The following PIBF1 variants were observed in gnomAD, a reference collection of about 807,000 sequenced individuals.
The protein encoded by PIBF1 is progesterone-induced-blocking factor 1.
In PIBF1, 90 loss-of-function variants were observed where a neutral mutation model predicts 112.5. That is an observed-to-expected ratio of 0.80 (90% CI 0.67 to 0.95). The LOEUF (loss-of-function observed/expected upper bound fraction) is 0.95. Among genes scored for constraint, PIBF1 ranks in the 40% least tolerant of loss-of-function variants. The pLI is 0.00. For missense variants in PIBF1, 915 were observed against 852.3 expected, an observed-to-expected ratio of 1.07 and a Z score of -0.92; for synonymous variants, 301 against 288.6, an observed-to-expected ratio of 1.04 and a Z score of -0.44.
chr13:72,898,796 A>G (rs562286424), intron 11 of PIBF1, among the ~76,000 whole-genome samples: 8 of 151,776 alleles, frequency 5.3e-5, no homozygotes, highest in Middle Eastern at 3.4e-3. Flanking sequence ...TGCAGTAAGC[A>G]GAGATCGTAC....
chr13:72,934,037 A>C (rs1263839163), intron 14 of PIBF1, among the ~76,000 whole-genome samples: 5 of 152,216 alleles, frequency 3.3e-5, no homozygotes, highest in Non-Finnish European at 5.9e-5. Context: ...TGGAGAAAGA[A>C]TCAGTAACCC....
intron 17 of PIBF1, among the ~76,000 whole-genome samples, chr13:73,000,343 C>G (rs2043817290): frequency 6.6e-6 from 1 of 152,172 alleles, no homozygotes; most frequent in Non-Finnish European, 1.5e-5. Flanking sequence ...CCTGTATTTT[C>G]CAAGACTAAC....
At chr13:72,811,149 C>T (rs532097301) in intron 5 of PIBF1, among the ~76,000 whole-genome samples, 2 of 152,224 alleles carry the variant, frequency 1.3e-5, no homozygotes, top group African/African-American at 2.4e-5. Flanking sequence ...CGTGAGCCAC[C>T]GCACCCAGCC....
At chr13:72,931,039 A>G (rs9564931) in intron 13 of PIBF1, 126 bp from the exon 14 acceptor site, 124,541 of 629,362 alleles carry the variant, frequency 0.2, 14,057 homozygotes, top group Admixed American at 0.35. Context: ...TTGACTCTAT[A>G]TTTTTTCTGT....
chr13:72,808,176 G>A (rs983159208), intron 5 of PIBF1, among the ~76,000 whole-genome samples: 3 of 152,148 alleles, frequency 2.0e-5, no homozygotes, highest in African/African-American at 7.2e-5. Flanking sequence ...AAGTACTTAA[G>A]TGTGGAATTT....
At chr13:72,791,975 G>A (rs2034954086) in intron 2 of PIBF1, among the ~76,000 whole-genome samples, 1 of 151,576 alleles carries the variant, frequency 6.6e-6, no homozygotes, top group Admixed American at 6.6e-5. Flanking sequence ...GTAAGATAGA[G>A]GAATATAAAT....
intron 16 of PIBF1, among the ~76,000 whole-genome samples, chr13:72,993,583 A>G (rs1437536750): frequency 6.6e-6 from 1 of 151,766 alleles, no homozygotes; most frequent in African/African-American, 2.4e-5. Context: ...TGACTCTACT[A>G]AAAATACAAA....
intron 12 of PIBF1, among the ~76,000 whole-genome samples, chr13:72,913,637 A>G (rs796531569): frequency 1.6e-4 from 24 of 152,012 alleles, no homozygotes; most frequent in African/African-American, 5.8e-4. Context: ...TGAACCAGGC[A>G]TGGTGGTGCC....
At chr13:72,946,178 C>G (rs1341305053) in intron 14 of PIBF1, among the ~76,000 whole-genome samples, 3 of 152,068 alleles carry the variant, frequency 2.0e-5, no homozygotes, top group African/African-American at 7.2e-5. Context: ...AGGAAACTTA[C>G]AGTCATGGTG....
At chr13:72,823,321 G>A (rs2036650401) in intron 6 of PIBF1, among the ~76,000 whole-genome samples, 1 of 152,074 alleles carries the variant, frequency 6.6e-6, no homozygotes, top group Non-Finnish European at 1.5e-5. Context: ...TTTGGGTGAT[G>A]GGAGCATGGG....
At chr13:72,976,601 T>G (rs925504888) in intron 16 of PIBF1, among the ~76,000 whole-genome samples, 1 of 152,192 alleles carries the variant, frequency 6.6e-6, no homozygotes, top group African/African-American at 2.4e-5. Context: ...AAGTAAAAAT[T>G]AAAGCTTAGT....
rs764295302 is a variant in PIBF1 at position 72,792,576 on chromosome 13, C to G, written c.353+29C>G. The G allele has an allele frequency of 6.3e-6, 7 of 1,102,456 alleles. No individual in the cohort carries two copies. In the Middle Eastern group the frequency reaches 6.1e-4, roughly 97 times the overall value. 68.3% of individuals were successfully genotyped at this position (1,102,456 alleles called of 1,614,324 possible). A position where few individuals can be genotyped will look rare whatever the true frequency, so the allele number is the denominator to read the frequency against. ...AGAAAAGTTTTTTTTAAAAAAAAAACAACATCTATTTAGCAATTAAAAGTA... is the reference window on the plus strand; with the variant it reads ...AGAAAAGTTTTTTTTAAAAAAAAAAGAACATCTATTTAGCAATTAAAAGTA... On this transcript the variant is annotated intron_variant, in intron 3 of 17. Coordinates refer to ENST00000326291, the MANE Select transcript of PIBF1 (RefSeq NM_006346.4).
intron 9 of PIBF1, among the ~76,000 whole-genome samples, chr13:72,841,711 A>C (rs546974908): frequency 1.3e-5 from 2 of 152,258 alleles, no homozygotes; most frequent in East Asian, 3.9e-4. Flanking sequence ...TCAAGGCTGC[A>C]CTGAGCCAAG....
intron 16 of PIBF1, among the ~76,000 whole-genome samples, chr13:72,979,108 T>C (rs1594307184): frequency 1.3e-5 from 2 of 152,320 alleles, no homozygotes; most frequent in East Asian, 1.9e-4. Context: ...AGCAGAAAGA[T>C]AGCTTGAGCC....
chr13:72,850,232 G>C (rs2038070124), intron 9 of PIBF1, among the ~76,000 whole-genome samples: 1 of 152,096 alleles, frequency 6.6e-6, no homozygotes, highest in African/African-American at 2.4e-5. Context: ...AGCTTCTTCT[G>C]GTCCATTCCC....
At chr13:72,961,122 TG>T (rs1594276143) in intron 14 of PIBF1, among the ~76,000 whole-genome samples, 1 of 151,930 alleles carries the variant, frequency 6.6e-6, no homozygotes, top group East Asian at 1.9e-4. Context: ...ACAATTTAGA[TG>T]AATAAATGCT....
intron 14 of PIBF1, among the ~76,000 whole-genome samples, chr13:72,931,926 CTTTG>C (rs1323860808): frequency 5.4e-5 from 7 of 128,578 alleles, no homozygotes; most frequent in Non-Finnish European, 1.1e-4. Flanking sequence ...CCGTTTTTTT[CTTTG>C]TTTCTTTCTT....
intron 9 of PIBF1, among the ~76,000 whole-genome samples, chr13:72,851,709 T>A (rs895125471): frequency 6.6e-6 from 1 of 152,170 alleles, no homozygotes; most frequent in Non-Finnish European, 1.5e-5. Context: ...GAGTGAGAAC[T>A]TACAGTACTT....
At chr13:72,801,656 G>C (rs1290109874) in intron 5 of PIBF1, among the ~76,000 whole-genome samples, 1 of 152,044 alleles carries the variant, frequency 6.6e-6, no homozygotes, top group Non-Finnish European at 1.5e-5. Context: ...CAAGTGTTTG[G>C]GATATCTGCT....
Sources: gnomAD v4.1 joint callset for allele counts (sites outside exome capture counted in the v4.1 genomes callset) on GRCh38, gnomAD v4.1.1 for gene constraint, MANE v1.5 for transcripts, NCBI Gene and HGNC (gene_info 2026-07-23, HGNC 2026-07-21) for gene names.